The following HCRTR2 variants were observed in gnomAD, a reference collection of about 807,000 sequenced individuals.
The protein encoded by HCRTR2 is orexin receptor type 2.
Under a neutral mutation model 49.0 loss-of-function variants are expected in HCRTR2, and 22 were observed. The observed-to-expected ratio is 0.45, with a 90% CI of 0.32 to 0.64. The LOEUF (loss-of-function observed/expected upper bound fraction) is 0.64. Ranked by LOEUF, HCRTR2 falls within the 30% of genes least tolerant of loss-of-function variation. The probability of loss-of-function intolerance (pLI) is 0.04; values close to 1 mark genes in which losing one functional copy is unlikely to be tolerated. For synonymous variants in HCRTR2, 236 were observed against 205.3 expected (o/e 1.15, Z -1.28); for missense variants, 491 against 559.4 (o/e 0.88, Z 1.23).
At chr6:55,221,509 A>C (rs1353291798) in intron 1 of HCRTR2, among the ~76,000 whole-genome samples, 1 of 152,280 alleles carries the variant, frequency 6.6e-6, no homozygotes, top group South Asian at 2.1e-4. Flanking sequence ...TCAAGTCAAA[A>C]TGAATTAAAA....
At chr6:55,205,652 A>T (rs1336412840) in intron 1 of HCRTR2, among the ~76,000 whole-genome samples, 1 of 152,154 alleles carries the variant, frequency 6.6e-6, no homozygotes. Flanking sequence ...AAAAAAAATA[A>T]AAAAAGAAGG....
upstream of HCRTR2, among the ~76,000 whole-genome samples, chr6:55,170,587 A>ATTTT (rs758154097): frequency 6.6e-6 from 1 of 151,712 alleles, no homozygotes; most frequent in East Asian, 1.9e-4. Context: ...TTATTTATTT[A>ATTTT]TTTATTTTTA....
intron 1 of HCRTR2, among the ~76,000 whole-genome samples, chr6:55,240,450 C>T (rs1766305566): frequency 6.7e-6 from 1 of 149,008 alleles, no homozygotes; most frequent in Non-Finnish European, 1.5e-5. Flanking sequence ...AGATGCACTT[C>T]TTAAGAGTCC....
chr6:55,136,439 A>C (rs1764434951), intron 1 of HCRTR2, among the ~76,000 whole-genome samples: 1 of 152,186 alleles, frequency 6.6e-6, no homozygotes, highest in African/African-American at 2.4e-5. Context: ...AATGTTAGAC[A>C]CTGGGAAAAG....
chr6:55,126,493 C>G (rs1401472834), intron 1 of HCRTR2, among the ~76,000 whole-genome samples: 1 of 152,170 alleles, frequency 6.6e-6, no homozygotes, highest in Admixed American at 6.5e-5. Context: ...CCAGAGATCC[C>G]CTGCCAGATG....
chr6:55,130,329 C>T (rs901511556), intron 1 of HCRTR2, among the ~76,000 whole-genome samples: 5 of 151,874 alleles, frequency 3.3e-5, no homozygotes, highest in African/African-American at 1.2e-4. Context: ...ATGAATGTTA[C>T]CACAATGTAG....
At chr6:55,226,546 T>A (rs772246015) in intron 1 of HCRTR2, among the ~76,000 whole-genome samples, 2 of 152,024 alleles carry the variant, frequency 1.3e-5, no homozygotes, top group Non-Finnish European at 1.5e-5. Context: ...TAACCTCAGA[T>A]GATCTGCACA....
chr6:55,124,875 CTT>C (rs764139248), intron 1 of HCRTR2, among the ~76,000 whole-genome samples: 67 of 149,046 alleles, frequency 4.5e-4, no homozygotes, highest in Non-Finnish European at 7.6e-4. Flanking sequence ...TTCTTTGTCT[CTT>C]TTGATCTTTG....
At chr6:55,262,623 A>G (rs1031840950) in intron 3 of HCRTR2, among the ~76,000 whole-genome samples, 3 of 137,992 alleles carry the variant, frequency 2.2e-5, no homozygotes, top group African/African-American at 8.0e-5. Context: ...TAATATTAAT[A>G]TACAATATAT....
chr6:55,242,520 T>C (rs1348865517), intron 1 of HCRTR2, among the ~76,000 whole-genome samples: 1 of 152,210 alleles, frequency 6.6e-6, no homozygotes, highest in East Asian at 1.9e-4. Flanking sequence ...ATAAGCAAAT[T>C]CTTAAAATAA....
chr6:55,111,970 G>A (rs978217239), intron 1 of HCRTR2, among the ~76,000 whole-genome samples: 7 of 151,978 alleles, frequency 4.6e-5, no homozygotes, highest in Admixed American at 3.3e-4. Flanking sequence ...TTATAGTAGG[G>A]ATGCAGGAAT....
intron 1 of HCRTR2, among the ~76,000 whole-genome samples, chr6:55,218,483 A>G (rs908758317): frequency 4.6e-5 from 7 of 152,236 alleles, no homozygotes; most frequent in Non-Finnish European, 8.8e-5. Flanking sequence ...GATTTAAAAA[A>G]TACTATATGC....
intron 1 of HCRTR2, among the ~76,000 whole-genome samples, chr6:55,135,684 T>G (rs945727275): frequency 5.9e-5 from 9 of 152,166 alleles, no homozygotes; most frequent in African/African-American, 2.2e-4. Context: ...ACTCCTTGGT[T>G]TTCAAAACAA....
At chr6:55,133,070 C>T (rs1393186892) in intron 1 of HCRTR2, among the ~76,000 whole-genome samples, 1 of 151,740 alleles carries the variant, frequency 6.6e-6, no homozygotes, top group Non-Finnish European at 1.5e-5. Flanking sequence ...CAACATTAGT[C>T]TTAGCTTGGT....
At chr6:55,216,081 T>C (rs1308431099) in intron 1 of HCRTR2, among the ~76,000 whole-genome samples, 1 of 152,186 alleles carries the variant, frequency 6.6e-6, no homozygotes, top group Non-Finnish European at 1.5e-5. Context: ...ACACCTTACA[T>C]AGTCCTATGA....
intron 3 of HCRTR2, among the ~76,000 whole-genome samples, chr6:55,256,926 C>A (rs1581860936): frequency 1.3e-5 from 2 of 151,982 alleles, no homozygotes; most frequent in African/African-American, 4.8e-5. Flanking sequence ...TATTTATATA[C>A]AAAATGCTGA....
intron 1 of HCRTR2, among the ~76,000 whole-genome samples, chr6:55,201,119 C>T (rs1765506310): frequency 6.6e-6 from 1 of 152,092 alleles, no homozygotes; most frequent in African/African-American, 2.4e-5. Flanking sequence ...TTTCAGAGGA[C>T]AGACATCTTT....
At chr6:55,242,566 T>C in intron 1 of HCRTR2, among the ~76,000 whole-genome samples, 1 of 152,222 alleles carries the variant, frequency 6.6e-6, no homozygotes, top group East Asian at 1.9e-4. Flanking sequence ...TTTGAGACAC[T>C]CAGTGGTCCA....
upstream of HCRTR2, among the ~76,000 whole-genome samples, chr6:55,170,591 ATT>A (rs754192974): frequency 0.17 from 24,150 of 138,228 alleles, 2,204 homozygotes; most frequent in Non-Finnish European, 0.21. Context: ...TTATTTATTT[ATT>A]TTTATTATAC....
Sources: allele counts gnomAD v4.1 joint callset (sites outside exome capture counted in the v4.1 genomes callset), GRCh38; gene constraint gnomAD v4.1.1; transcripts MANE v1.5; gene names NCBI Gene and HGNC (gene_info 2026-07-23, HGNC 2026-07-21).